The following PPA2 variants were observed in gnomAD, a reference collection of about 807,000 sequenced individuals.
The protein encoded by PPA2 is inorganic pyrophosphatase 2.
In PPA2, 48 loss-of-function variants were observed where a neutral mutation model predicts 49.5. That is an observed-to-expected ratio of 0.97 (90% CI 0.77 to 1.23). The LOEUF (loss-of-function observed/expected upper bound fraction) is 1.23, where lower values mean the gene tolerates loss of function less well. Ranked by LOEUF, PPA2 falls within the 50% of genes most tolerant of loss-of-function variation. PPA2 has a pLI of 0.00. For missense variants in PPA2, 429 were observed against 410.1 expected, an observed-to-expected ratio of 1.05 and a Z score of -0.40; for synonymous variants, 131 against 139.9, an observed-to-expected ratio of 0.94 and a Z score of 0.45.
At chr4:105,448,283 A>G (rs899436219) in intron 4 of PPA2, among the ~76,000 whole-genome samples, 4 of 152,218 alleles carry the variant, frequency 2.6e-5, no homozygotes, top group African/African-American at 9.6e-5. Context: ...TAAAGTGTTA[A>G]CAAAAAATAC....
At chr4:105,381,405 G>C (rs1278256587) in intron 10 of PPA2, among the ~76,000 whole-genome samples, 2 of 151,288 alleles carry the variant, frequency 1.3e-5, no homozygotes, top group African/African-American at 4.9e-5. Context: ...TCCTTTCTAG[G>C]TTATTCTTGG....
chr4:105,411,294 C>T (rs1027257490), intron 7 of PPA2, among the ~76,000 whole-genome samples: 15 of 152,064 alleles, frequency 9.9e-5, no homozygotes, highest in Admixed American at 3.9e-4. Flanking sequence ...TAAACCAACA[C>T]GGATCAAAAG....
chr4:105,449,241 AAAAAAAAAAAAAAAAAAAAAAAT>A, intron 4 of PPA2, 86 bp downstream of exon 4: 6 of 203,932 alleles, frequency 2.9e-5, no homozygotes, highest in East Asian at 2.2e-4. Context: ...AAAAAAAAAA[AAAAAAAAAAAAAAAAAAAAAAAT>A]TTAAAATATT....
At chr4:105,450,316 A>T in intron 3 of PPA2, among the ~76,000 whole-genome samples, 1 of 152,148 alleles carries the variant, frequency 6.6e-6, no homozygotes, top group East Asian at 1.9e-4. Context: ...AATTTAAAAG[A>T]GCAATTTTTA....
Position 105,473,942 on chromosome 4 carries a change from T to C in PPA2, c.109A>G (p.Thr37Ala), listed in dbSNP as rs552648091. 10 of 1,612,190 alleles carry C rather than the reference T, an allele frequency of 6.2e-6. No homozygotes were observed. The South Asian group carries it at 9.9e-5, about 16-fold the overall frequency. ...GAGCAGGGCTGGCCGCGCTCCTCAG[T>C]GTGGTACAGGGCCATAGCACGGCGC... Reference protein sequence around the residue: ...GSRRAMALYHTEERGQPCSQN... With the variant: ...GSRRAMALYHAEERGQPCSQN... The change falls in exon 1 of 12, where the codon ACT (threonine) becomes GCT (alanine). Residue 37 changes from threonine to alanine, a missense_variant. Transcript: ENST00000341695.
Position 105,473,728 on chromosome 4 carries a change from G to A in PPA2, c.157+166C>T, listed in dbSNP as rs576570374. 2.0e-5 allele frequency: 21 copies of A among 1,066,094 alleles called. No homozygotes were observed. In the East Asian group the frequency reaches 3.8e-4, roughly 19 times the overall value. 66.0% of individuals were successfully genotyped at this position (1,066,094 alleles called of 1,614,324 possible). A position where few individuals can be genotyped will look rare whatever the true frequency, so the allele number is the denominator to read the frequency against. On this transcript the variant is annotated intron_variant, in intron 1 of 11. Transcript: ENST00000341695. ...CCTCGCTGGCAGTTCTCGTGACTCG[G>A]TGCGCGCTCCCGCGGGAAGTAAGGT...
chr4:105,444,920 TAAG>T (rs1483279673), intron 5 of PPA2, among the ~76,000 whole-genome samples: 2 of 152,102 alleles, frequency 1.3e-5, no homozygotes, highest in African/African-American at 4.8e-5. Context: ...AACACAAAGA[TAAG>T]AAGTAGATAT....
chr4:105,427,284 C>T (rs1723560320), intron 6 of PPA2, among the ~76,000 whole-genome samples: 1 of 152,224 alleles, frequency 6.6e-6, no homozygotes, highest in Admixed American at 6.5e-5. Flanking sequence ...AACCAGAATG[C>T]CTCTTCTCCT....
At chr4:105,409,901 T>C (rs1447619109) in intron 7 of PPA2, among the ~76,000 whole-genome samples, 3 of 152,074 alleles carry the variant, frequency 2.0e-5, no homozygotes, top group Non-Finnish European at 4.4e-5. Flanking sequence ...CAAAACCCCA[T>C]CTGTAGCTCA....
intron 5 of PPA2, among the ~76,000 whole-genome samples, chr4:105,441,292 T>C (rs1019199497): frequency 1.3e-5 from 2 of 152,144 alleles, no homozygotes; most frequent in Non-Finnish European, 2.9e-5. Context: ...GGGTTGAAGA[T>C]ATGAACAGGT....
chr4:105,395,290 G>GT (rs34397569), intron 9 of PPA2, among the ~76,000 whole-genome samples: 56,709 of 151,802 alleles, frequency 0.37, 12,537 homozygotes, highest in East Asian at 0.68. Context: ...CCTTAGTCTA[G>GT]AATTTATTTA....
chr4:105,414,043 T>A (rs1046057977), intron 7 of PPA2, among the ~76,000 whole-genome samples: 5 of 152,166 alleles, frequency 3.3e-5, no homozygotes, highest in African/African-American at 9.7e-5. Context: ...ACAATTTACA[T>A]ACTCAATTCA....
intron 10 of PPA2, among the ~76,000 whole-genome samples, chr4:105,378,507 T>C (rs969287687): frequency 6.6e-6 from 1 of 152,130 alleles, no homozygotes; most frequent in African/African-American, 2.4e-5. Context: ...ATCAGATATA[T>C]AATTTTCAAA....
intron 5 of PPA2, among the ~76,000 whole-genome samples, chr4:105,441,352 C>T (rs939395563): frequency 6.6e-6 from 1 of 151,928 alleles, no homozygotes; most frequent in African/African-American, 2.4e-5. Flanking sequence ...GAAAAGATAC[C>T]TAGTCTGATC....
rs1578873061 is a variant in PPA2 at position 105,449,196 on chromosome 4, G to A, written c.321+154C>T. The stretch of plus-strand genomic sequence containing the variant: ...CCCGCCACTGCACTCCAGCCTGGGC[G>A]ACAGAGCGAGACTCCGTCTCAAAAA... On this transcript the variant is annotated intron_variant, in intron 4 of 11. Coordinates refer to ENST00000341695, the MANE Select transcript of PPA2 (RefSeq NM_176869.3). 5.8e-5 allele frequency among the ~76,000 whole-genome samples: 5 copies of A among 86,912 alleles called. 1 individual carries two copies. In the South Asian group the frequency reaches 1.1e-3, roughly 20 times the overall value. The allele number at this position is 86,912 out of a possible 152,430, so 57.0% of individuals were successfully genotyped here.
At chr4:105,443,100 G>A (rs1277566922) in intron 5 of PPA2, among the ~76,000 whole-genome samples, 1 of 152,124 alleles carries the variant, frequency 6.6e-6, no homozygotes, top group African/African-American at 2.4e-5. Context: ...TTATACAGCA[G>A]GTTACAATTT....
intron 7 of PPA2, among the ~76,000 whole-genome samples, chr4:105,409,904 G>A (rs1722672731): frequency 6.6e-6 from 1 of 152,174 alleles, no homozygotes; most frequent in Admixed American, 6.5e-5. Context: ...AACCCCATCT[G>A]TAGCTCACCA....
At chr4:105,410,907 G>C (rs952815075) in intron 7 of PPA2, among the ~76,000 whole-genome samples, 2 of 152,178 alleles carry the variant, frequency 1.3e-5, no homozygotes, top group African/African-American at 4.8e-5. Flanking sequence ...AAGAGCTCCT[G>C]AAGGAAGCAC....
In PPA2 at chr4:105,437,965, G is replaced by A. The variant is rs138826533; in HGVS notation, c.513C>T (p.Cys171=). The A allele has an allele frequency of 3.7e-3, 5,951 of 1,604,906 alleles. 16 individuals are homozygous for A. Among genetic ancestry groups the A allele is most frequent in the Non-Finnish European group, 4.5e-3 (5,247 of 1,177,140 alleles). ...TAAAACAAACCTTTGAGCCTATTTCGCAAACATCAATAGGATCATTATCTC... is the reference window on the plus strand; with the variant it reads ...TAAAACAAACCTTTGAGCCTATTTCACAAACATCAATAGGATCATTATCTC... ...CFGDNDPIDV[C]EIGSKILSCG... is the part of the protein sequence containing the mutation. Residue 171 remains cysteine, a synonymous_variant, in exon 6 of 12, where the codon TGC becomes TGT. Coordinates refer to ENST00000341695, the MANE Select transcript of PPA2 (RefSeq NM_176869.3).
Sources: allele counts gnomAD v4.1 joint callset (sites outside exome capture counted in the v4.1 genomes callset), GRCh38; gene constraint gnomAD v4.1.1; transcripts MANE v1.5; gene names NCBI Gene and HGNC (gene_info 2026-07-23, HGNC 2026-07-21).